Variants in PLD5 observed in about 807,000 individuals in gnomAD.
PLD5 encodes the protein phospholipase D family member 5.
A neutral mutation model predicts 61.1 loss-of-function variants in PLD5; 36 were observed. The observed-to-expected ratio is 0.59, with a 90% CI of 0.45 to 0.78. The LOEUF (loss-of-function observed/expected upper bound fraction) is 0.78, where lower values mean the gene tolerates loss of function less well. PLD5 is among the 30% of genes least tolerant of loss of function. PLD5 has a pLI of 0.00. For synonymous variants in PLD5, 243 were observed against 242.8 expected, an observed-to-expected ratio of 1.00 and a Z score of -0.01; for missense variants, 515 against 644.4, an observed-to-expected ratio of 0.80 and a Z score of 2.17.
rs572288319 is a variant in PLD5 at position 242,215,670 on chromosome 1, G to A, written c.735+4318C>T. Among the ~76,000 whole-genome samples the A allele has an allele frequency of 4.6e-5, 7 of 152,192 alleles. No homozygotes were observed. In the South Asian group the frequency reaches 1.2e-3, roughly 27 times the overall value. On this transcript the variant is annotated intron_variant, in intron 5 of 9. Transcript: ENST00000536534. ...AACGCATCAAACCATAGCATGGCAT[G>A]GCTAGGACCTAACCCGGTACCAGAA...
At chr1:242,465,915 C>G (rs2102943032) in intron 1 of PLD5, among the ~76,000 whole-genome samples, 1 of 152,256 alleles carries the variant, frequency 6.6e-6, no homozygotes, top group South Asian at 2.1e-4. Context: ...GGCAACAGAG[C>G]AAGACTCTGG....
chr1:242,402,658 C>T (rs1400914650), intron 1 of PLD5, among the ~76,000 whole-genome samples: 1 of 152,156 alleles, frequency 6.6e-6, no homozygotes, highest in Non-Finnish European at 1.5e-5. Context: ...TTGCTATGCT[C>T]ACATAATTTT....
intron 5 of PLD5, among the ~76,000 whole-genome samples, chr1:242,198,701 C>CAAAAAAAAAAAAAAAA (rs10603005): frequency 3.9e-5 from 2 of 51,570 alleles, no homozygotes; most frequent in Non-Finnish European, 7.9e-5. Context: ...AAGTCCTTAG[C>CAAAAAAAAAAAAAAAA]AAAAAAAAAA....
intron 4 of PLD5, among the ~76,000 whole-genome samples, chr1:242,252,427 C>T (rs191392485): frequency 1.1e-3 from 164 of 152,316 alleles, no homozygotes; most frequent in African/African-American, 3.8e-3. Flanking sequence ...GACAATATGT[C>T]TCTAGCCAGT....
rs555304776 is a variant in PLD5 at position 242,346,026 on chromosome 1, T to C, written c.326+2080A>G. Among the ~76,000 whole-genome samples, 63 of 26,192 alleles carry C rather than the reference T, an allele frequency of 2.4e-3. 2 individuals are homozygous for C. Among genetic ancestry groups the C allele is most frequent in the African/African-American group, 8.7e-3 (60 of 6,874 alleles). The allele number at this position is 26,192 out of a possible 152,430, so 17.2% of individuals were successfully genotyped here. On this transcript the variant is annotated intron_variant, in intron 2 of 9. Coordinates refer to ENST00000536534, the MANE Select transcript of PLD5 (RefSeq NM_001372062.1). ...TCAGAAAAGATCTCCCCCCCCCCCA[T>C]ATATACAACCATATATCATATTTAT...
chr1:242,096,590 C>T (rs1425039617), intron 9 of PLD5, among the ~76,000 whole-genome samples: 2 of 152,016 alleles, frequency 1.3e-5, no homozygotes, highest in Non-Finnish European at 2.9e-5. Context: ...GATCCACCTG[C>T]CTCAACCTCC....
In PLD5 at chr1:242,207,966, A is replaced by T. The variant is rs1265468606; in HGVS notation, c.735+12022T>A. Among the ~76,000 whole-genome samples, 15 of 95,888 alleles carry T rather than the reference A, an allele frequency of 1.6e-4. 4 individuals are homozygous for T. Among genetic ancestry groups the T allele is most frequent in the Non-Finnish European group, 2.5e-4 (13 of 52,780 alleles). 62.9% of individuals were successfully genotyped at this position (95,888 alleles called of 152,430 possible). ...TATATATATTTATTTATATATATTT[A>T]TATATATTTTTATATATATATTTAT... On this transcript the variant is annotated intron_variant, in intron 5 of 9. Transcript: ENST00000536534.
At chr1:242,341,040 A>C (rs1287292084) in intron 2 of PLD5, among the ~76,000 whole-genome samples, 1 of 152,136 alleles carries the variant, frequency 6.6e-6, no homozygotes, top group Non-Finnish European at 1.5e-5. Flanking sequence ...ACCAGGGCTC[A>C]TTTGAAAGTA....
chr1:242,487,399 G>A (rs1667999836), intron 1 of PLD5, among the ~76,000 whole-genome samples: 1 of 152,038 alleles, frequency 6.6e-6, no homozygotes, highest in African/African-American at 2.4e-5. Context: ...AACTCAAAGT[G>A]GATCATAGAT....
intron 8 of PLD5, among the ~76,000 whole-genome samples, chr1:242,102,884 C>CA (rs1324750057): frequency 6.6e-6 from 1 of 152,060 alleles, no homozygotes; most frequent in East Asian, 1.9e-4. Context: ...TCAAAAACAT[C>CA]AAAAAGATGA....
At chr1:242,506,888 T>C (rs1159153541) in intron 1 of PLD5, among the ~76,000 whole-genome samples, 1 of 152,158 alleles carries the variant, frequency 6.6e-6, no homozygotes, top group Non-Finnish European at 1.5e-5. Context: ...CAGTCCCAGA[T>C]TCAGCATCTG....
Position 242,088,301 on chromosome 1 carries a change from T to C in PLD5, c.*1553A>G, listed in dbSNP as rs1659566473. On this transcript the variant is annotated 3_prime_UTR_variant, in exon 10 of 10. Coordinates refer to ENST00000536534, the MANE Select transcript of PLD5 (RefSeq NM_001372062.1). ...CAATCCAGATCTCCACCAGGGTTTC[T>C]GTGGGGCTGTGCTCTTTTCATCCAC... 1 of 152,234 alleles carries C rather than the reference T, an allele frequency of 6.6e-6. No homozygotes were observed. Among genetic ancestry groups the C allele is most frequent in the African/African-American group, 2.4e-5 (1 of 41,462 alleles). The allele number at this position is 152,234 out of a possible 1,614,324, so 9.4% of individuals were successfully genotyped here.
chr1:242,300,260 G>GAA (rs1675947968), intron 2 of PLD5, among the ~76,000 whole-genome samples: 1 of 152,132 alleles, frequency 6.6e-6, no homozygotes, highest in African/African-American at 2.4e-5. Flanking sequence ...TCAACATGGT[G>GAA]AAACCCTGTC....
chr1:242,233,821 A>T (rs891996024), intron 4 of PLD5, among the ~76,000 whole-genome samples: 1 of 152,064 alleles, frequency 6.6e-6, no homozygotes, highest in African/African-American at 2.4e-5. Flanking sequence ...GTCTCCTCCT[A>T]CACTCTCTGT....
chr1:242,246,974 CTTTTTTTTTTTTTTT>C (rs74466537), intron 4 of PLD5, among the ~76,000 whole-genome samples: 1 of 135,808 alleles, frequency 7.4e-6, no homozygotes, highest in African/African-American at 2.8e-5. Flanking sequence ...TTTAGGGATT[CTTTTTTTTTTTTTTT>C]TTTTTTTTTT....
intron 6 of PLD5, among the ~76,000 whole-genome samples, chr1:242,123,577 A>G (rs969016992): frequency 6.6e-6 from 1 of 152,154 alleles, no homozygotes; most frequent in African/African-American, 2.4e-5. Flanking sequence ...TTCCACTTGC[A>G]CAGCTCTGAG....
At chr1:242,401,358 C>T (rs376352839) in intron 1 of PLD5, among the ~76,000 whole-genome samples, 1 of 152,106 alleles carries the variant, frequency 6.6e-6, no homozygotes, top group Non-Finnish European at 1.5e-5. Context: ...CCACCTGCAG[C>T]GTATTGCCCA....
chr1:242,211,114 G>A (rs902422632), intron 5 of PLD5, among the ~76,000 whole-genome samples: 1 of 152,162 alleles, frequency 6.6e-6, no homozygotes, highest in African/African-American at 2.4e-5. Flanking sequence ...CGATGAAGCT[G>A]GATACACTAA....
rs1572156113 is a variant in PLD5, at chr1:242,439,936, G to A, written c.189+84152C>T. 5.3e-5 allele frequency among the ~76,000 whole-genome samples: 8 copies of A among 152,294 alleles called. No homozygotes were observed. In the South Asian group the frequency reaches 1.7e-3, roughly 32 times the overall value. ...AGTGGAAAGTTCTCCACTGGCCAAG[G>A]TTCAGTTTGGGAAACTCCAAATTAC... On this transcript the variant is annotated intron_variant, in intron 1 of 9. Transcript: ENST00000536534.
Sources: gnomAD v4.1 joint callset for allele counts (sites outside exome capture counted in the v4.1 genomes callset) on GRCh38, gnomAD v4.1.1 for gene constraint, MANE v1.5 for transcripts, NCBI Gene and HGNC (gene_info 2026-07-23, HGNC 2026-07-21) for gene names.